Variants in RBPJ observed in about 807,000 individuals in gnomAD.
The protein encoded by RBPJ is recombination signal binding protein for immunoglobulin kappa J region.
In RBPJ, 9 loss-of-function variants were observed where a neutral mutation model predicts 67.8. The ratio of observed to expected loss-of-function variants is 0.13; its 90% CI spans 0.08 to 0.23. The LOEUF (loss-of-function observed/expected upper bound fraction) is 0.23, where lower values mean the gene tolerates loss of function less well. Among genes scored for constraint, RBPJ ranks in the 10% least tolerant of loss-of-function variants. The pLI is 1.00. For synonymous variants in RBPJ, 198 were observed against 203.3 expected (o/e 0.97, Z 0.22); for missense variants, 305 against 595.6 (o/e 0.51, Z 5.08).
chr4:26,391,448 C>T (rs1731492846), intron 2 of RBPJ, among the ~76,000 whole-genome samples: 1 of 151,872 alleles, frequency 6.6e-6, no homozygotes, highest in South Asian at 2.1e-4. Flanking sequence ...ATATCCATTC[C>T]TCCTTCAACC....
chr4:26,169,394 T>G (rs1577429700), intron 1 of RBPJ, among the ~76,000 whole-genome samples: 1 of 152,256 alleles, frequency 6.6e-6, no homozygotes, highest in East Asian at 1.9e-4. Context: ...CGGATTTTCA[T>G]GATCCACGAA....
intron 2 of RBPJ, among the ~76,000 whole-genome samples, chr4:26,398,211 A>G (rs1001302507): frequency 3.3e-5 from 5 of 152,172 alleles, no homozygotes; most frequent in African/African-American, 9.6e-5. Flanking sequence ...TGAGAAGCGC[A>G]GAGAGTGAGC....
intron 1 of RBPJ, among the ~76,000 whole-genome samples, chr4:26,362,053 C>T (rs999381618): frequency 1.3e-5 from 2 of 152,184 alleles, no homozygotes; most frequent in African/African-American, 4.8e-5. Context: ...TTGAAGGATC[C>T]TCTGCCTAGT....
chr4:26,361,161 T>A lies in RBPJ; in HGVS notation c.21-25192T>A, dbSNP rs528757581. ...GGACTAATGGGCTAAAATCATCAGT[T>A]TGAAAAGACGGTTGTGGCTACAGGC... On this transcript the variant is annotated intron_variant, in intron 1 of 10. Coordinates refer to ENST00000355476, the MANE Select transcript of RBPJ (RefSeq NM_015874.6). Among the ~76,000 whole-genome samples the A allele has an allele frequency of 1.5e-4, 23 of 151,800 alleles. No individual in the cohort carries two copies. In the South Asian group the frequency reaches 2.7e-3, roughly 18 times the overall value.
chr4:26,391,062 AAT>A (rs959593852), intron 2 of RBPJ, among the ~76,000 whole-genome samples: 6 of 152,158 alleles, frequency 3.9e-5, no homozygotes, highest in Admixed American at 6.5e-5. Context: ...GTCTCAAATA[AAT>A]ATATATATGG....
At chr4:26,221,176 C>T (rs182535486) in intron 1 of RBPJ, among the ~76,000 whole-genome samples, 3,594 of 152,224 alleles carry the variant, frequency 0.024, 143 homozygotes, top group African/African-American at 0.082. Context: ...CTGCAACCTC[C>T]GCCTCCTGGG....
chr4:26,393,076 A>C (rs1731701708), intron 2 of RBPJ, among the ~76,000 whole-genome samples: 1 of 152,124 alleles, frequency 6.6e-6, no homozygotes, highest in African/African-American at 2.4e-5. Flanking sequence ...CGAACTCCTG[A>C]CCTAAAGTGA....
chr4:26,273,569 C>G (rs992020251), intron 1 of RBPJ, among the ~76,000 whole-genome samples: 4 of 152,222 alleles, frequency 2.6e-5, no homozygotes, highest in African/African-American at 4.8e-5. Context: ...ATTCTGGAAT[C>G]TAAGAGGAGG....
At chr4:26,133,411 A>G in the RBPJ span, among the ~76,000 whole-genome samples, 2 of 152,136 alleles carry the variant, frequency 1.3e-5, no homozygotes, top group African/African-American at 4.8e-5. Flanking sequence ...CATCTCTACT[A>G]AAAAACAAAC....
chr4:26,118,101 A>G, the RBPJ span, among the ~76,000 whole-genome samples: 1 of 152,140 alleles, frequency 6.6e-6, no homozygotes, highest in East Asian at 1.9e-4. Context: ...CTTGAGCCAA[A>G]GCTATGTCCA....
intron 1 of RBPJ, among the ~76,000 whole-genome samples, chr4:26,333,576 A>G (rs1724478215): frequency 6.6e-6 from 1 of 151,716 alleles, no homozygotes; most frequent in Non-Finnish European, 1.5e-5. Context: ...TTTTTTTGAG[A>G]TGGACGTCTC....
upstream of RBPJ, among the ~76,000 whole-genome samples, chr4:26,316,649 CATATTG>C (rs1240117772): frequency 3.0e-5 from 4 of 134,702 alleles, no homozygotes; most frequent in Non-Finnish European, 4.7e-5. Flanking sequence ...TATATATACA[CATATTG>C]ATATATATAT....
intron 8 of RBPJ, 28 bp downstream of exon 8, chr4:26,428,888 T>TA (rs1315668673): frequency 6.4e-7 from 1 of 1,563,770 alleles, no homozygotes; most frequent in African/African-American, 1.4e-5. Context: ...TGGTGAAATC[T>TA]AAAATGTACA....
Position 26,219,045 on chromosome 4 carries a change from A to G in RBPJ, c.-167+55431A>G, listed in dbSNP as rs536190244. Among the ~76,000 whole-genome samples the G allele has an allele frequency of 2.6e-5, 4 of 152,350 alleles. No homozygotes were observed. In the East Asian group the frequency reaches 5.8e-4, roughly 22 times the overall value. On this transcript the variant is annotated intron_variant, in intron 1 of 4. Coordinates refer to the RBPJ transcript ENST00000512351. Reference sequence around the variant, plus strand: ...TGTATTTATAACCCACCTTGTCCCAAAAAGAATTACAAGCATTTTTCAAAA... The same window carrying G: ...TGTATTTATAACCCACCTTGTCCCAGAAAGAATTACAAGCATTTTTCAAAA...
chr4:26,258,686 T>G (rs768486643), intron 1 of RBPJ, among the ~76,000 whole-genome samples: 3 of 152,270 alleles, frequency 2.0e-5, no homozygotes, highest in Admixed American at 6.5e-5. Flanking sequence ...ACTAGTCGTT[T>G]AGTCCATTCC....
chr4:26,368,502 T>G (rs957486141), intron 1 of RBPJ, among the ~76,000 whole-genome samples: 6 of 152,234 alleles, frequency 3.9e-5, no homozygotes, highest in African/African-American at 1.4e-4. Flanking sequence ...CTGTGGAATT[T>G]GTTTCTTCAA....
At chr4:26,365,342 T>C (rs938370805) in intron 1 of RBPJ, among the ~76,000 whole-genome samples, 1 of 152,142 alleles carries the variant, frequency 6.6e-6, no homozygotes, top group African/African-American at 2.4e-5. Context: ...TGAAAGAAGG[T>C]GGCCACTGGA....
At chr4:26,257,008 G>T (rs1720363293) in intron 1 of RBPJ, among the ~76,000 whole-genome samples, 1 of 152,168 alleles carries the variant, frequency 6.6e-6, no homozygotes, top group African/African-American at 2.4e-5. Context: ...CAGTCATGTG[G>T]TAGACTGGAA....
chr4:26,163,990 C>A (rs1577422644), intron 1 of RBPJ, among the ~76,000 whole-genome samples: 1 of 152,212 alleles, frequency 6.6e-6, no homozygotes, highest in African/African-American at 2.4e-5. Flanking sequence ...TGCAGAGAAA[C>A]AAAAAGAATT....
Sources: gnomAD v4.1 joint callset for allele counts (sites outside exome capture counted in the v4.1 genomes callset) on GRCh38, gnomAD v4.1.1 for gene constraint, MANE v1.5 for transcripts, NCBI Gene and HGNC (gene_info 2026-07-23, HGNC 2026-07-21) for gene names.